Variants in NPAS3 observed in about 807,000 individuals in gnomAD.
The protein encoded by NPAS3 is neuronal PAS domain-containing protein 3.
A neutral mutation model predicts 73.1 loss-of-function variants in NPAS3; 14 were observed. That is an observed-to-expected ratio of 0.19 (90% CI 0.13 to 0.30). NPAS3 has a LOEUF of 0.30. Ranked by LOEUF, NPAS3 falls within the 10% of genes least tolerant of loss-of-function variation. The pLI is 1.00. For missense variants in NPAS3, 1,096 were observed against 1,250.0 expected (o/e 0.88, Z 1.86); for synonymous variants, 620 against 541.5 (o/e 1.14, Z -2.01).
chr14:33,483,820 C>T (rs535348747), intron 4 of NPAS3, among the ~76,000 whole-genome samples: 1 of 152,320 alleles, frequency 6.6e-6, no homozygotes, highest in South Asian at 2.1e-4. Flanking sequence ...CAAAGTCAGC[C>T]TACGGCTGAC....
intron 2 of NPAS3, among the ~76,000 whole-genome samples, chr14:33,101,208 A>G (rs923130646): frequency 5.3e-5 from 8 of 152,136 alleles, no homozygotes; most frequent in East Asian, 3.8e-4. Flanking sequence ...GTGTTTGCCA[A>G]TTTAAACCTT....
chr14:33,436,458 C>T (rs2048995811), intron 4 of NPAS3, among the ~76,000 whole-genome samples: 1 of 152,184 alleles, frequency 6.6e-6, no homozygotes, highest in Non-Finnish European at 1.5e-5. Flanking sequence ...GGCATGTACA[C>T]ATCAGTGTGC....
At chr14:33,480,600 G>C (rs2051280794) in intron 4 of NPAS3, among the ~76,000 whole-genome samples, 1 of 93,936 alleles carries the variant, frequency 1.1e-5, no homozygotes. Context: ...TCTCCCACCT[G>C]TCCCTGTGCA....
rs3058422 is a variant in NPAS3, at chr14:33,498,935, AGTGTGTGTGT to A, written c.469-61140_469-61131del. 9.1e-3 allele frequency among the ~76,000 whole-genome samples: 868 copies of A among 94,926 alleles called. 13 individuals carry two copies. Among genetic ancestry groups the A allele is most frequent in the African/African-American group, 0.028 (689 of 24,236 alleles). 62.3% of individuals were successfully genotyped at this position (94,926 alleles called of 152,430 possible). ...GAATGAGAGAGAGAGACAGAGAGAG[AGTGTGTGTGT>A]GTGTGTGTGTGTGTGTGTGTGTGTG... On this transcript the variant is annotated intron_variant, in intron 4 of 11. Transcript: ENST00000356141.
intron 3 of NPAS3, among the ~76,000 whole-genome samples, chr14:33,223,808 T>C (rs956726839): frequency 6.6e-6 from 1 of 151,460 alleles, no homozygotes; most frequent in Non-Finnish European, 1.5e-5. Flanking sequence ...GTACCATATC[T>C]CCCTTCTATG....
intron 5 of NPAS3, among the ~76,000 whole-genome samples, chr14:33,605,839 G>A (rs2097707445): frequency 7.1e-6 from 1 of 140,500 alleles, no homozygotes; most frequent in Non-Finnish European, 1.5e-5. Context: ...CAAAATTCTA[G>A]TAGACTTTTT....
intron 2 of NPAS3, among the ~76,000 whole-genome samples, chr14:33,208,464 G>A (rs760143962): frequency 3.3e-5 from 5 of 152,106 alleles, no homozygotes; most frequent in Non-Finnish European, 7.4e-5. Context: ...GCATTCAGTT[G>A]AATGGCTTTA....
chr14:33,439,825 G>A (rs545579067), intron 4 of NPAS3, among the ~76,000 whole-genome samples: 2 of 152,244 alleles, frequency 1.3e-5, no homozygotes, highest in South Asian at 4.1e-4. Flanking sequence ...ATAAAAAATG[G>A]AATGTTACGG....
chr14:33,037,194 T>G (rs939400881), intron 1 of NPAS3, among the ~76,000 whole-genome samples: 21 of 152,178 alleles, frequency 1.4e-4, no homozygotes, highest in African/African-American at 5.1e-4. Context: ...TTAAAAAATG[T>G]TAATATATTT....
chr14:33,140,990 C>T (rs533566933), intron 2 of NPAS3, among the ~76,000 whole-genome samples: 2 of 152,254 alleles, frequency 1.3e-5, no homozygotes, highest in Non-Finnish European at 2.9e-5. Context: ...CAAACAATGG[C>T]GGAGCATCAG....
intron 2 of NPAS3, among the ~76,000 whole-genome samples, chr14:33,155,399 G>T (rs532335620): frequency 1.3e-5 from 2 of 152,200 alleles, no homozygotes; most frequent in East Asian, 3.9e-4. Context: ...GAGGATTTTT[G>T]GGGGTGAGGA....
At chr14:33,650,437 A>C (rs2058958835) in intron 5 of NPAS3, among the ~76,000 whole-genome samples, 1 of 152,214 alleles carries the variant, frequency 6.6e-6, no homozygotes, top group African/African-American at 2.4e-5. Context: ...AAGAAAAAAA[A>C]ACCCTCAAAG....
At chr14:33,555,222 A>G (rs1049837778) in intron 4 of NPAS3, among the ~76,000 whole-genome samples, 2 of 152,198 alleles carry the variant, frequency 1.3e-5, no homozygotes, top group Non-Finnish European at 1.5e-5. Context: ...TGTTTCTTCT[A>G]AGATTGCGTT....
intron 5 of NPAS3, among the ~76,000 whole-genome samples, chr14:33,613,817 G>A (rs2057828671): frequency 6.6e-6 from 1 of 152,096 alleles, no homozygotes; most frequent in African/African-American, 2.4e-5. Context: ...TTGACCTCAA[G>A]GCTCACAAGT....
rs138316370 is a variant in NPAS3, at chr14:33,046,016, C to T, written c.51-9889C>T. Among the ~76,000 whole-genome samples the T allele has an allele frequency of 2.6e-3, 403 of 152,174 alleles. 9 individuals are homozygous for T. The highest frequency in any genetic ancestry group is 0.022 in the Admixed American group (333 of 15,288). On this transcript the variant is annotated intron_variant, in intron 1 of 11. Coordinates refer to ENST00000356141, the Ensembl canonical transcript of NPAS3. ...AAAGCAGAACCTCGACTAGAGTTCA[C>T]ACTTTTTAACAACAGAACAAAACAA...
chr14:33,284,035 A>G (rs1566757044), intron 3 of NPAS3, among the ~76,000 whole-genome samples: 1 of 152,020 alleles, frequency 6.6e-6, no homozygotes, highest in Non-Finnish European at 1.5e-5. Flanking sequence ...TCCTTTCTTC[A>G]TATGTTTTAT....
At chr14:33,383,685 T>C (rs138667464) in intron 4 of NPAS3, among the ~76,000 whole-genome samples, 6 of 152,310 alleles carry the variant, frequency 3.9e-5, no homozygotes, top group African/African-American at 1.4e-4. Flanking sequence ...GAGAGGACAA[T>C]TCCTTTTAAA....
At chr14:33,324,815 A>C (rs1008853856) in intron 3 of NPAS3, among the ~76,000 whole-genome samples, 1 of 152,068 alleles carries the variant, frequency 6.6e-6, no homozygotes, top group Non-Finnish European at 1.5e-5. Flanking sequence ...TTACCATCGT[A>C]TTTAGAGTAA....
At chr14:33,350,088 C>G (rs1442350925) in intron 3 of NPAS3, among the ~76,000 whole-genome samples, 1 of 152,192 alleles carries the variant, frequency 6.6e-6, no homozygotes, top group Non-Finnish European at 1.5e-5. Context: ...TTCTCGTACG[C>G]TTGGCTAGGC....
Sources: gnomAD v4.1 joint callset for allele counts (sites outside exome capture counted in the v4.1 genomes callset) on GRCh38, gnomAD v4.1.1 for gene constraint, MANE v1.5 for transcripts, NCBI Gene and HGNC (gene_info 2026-07-23, HGNC 2026-07-21) for gene names.